ANGEL1: variants seen among roughly 807,000 people sequenced by gnomAD.
ANGEL1 encodes the protein RNA 2',3'-cyclic phosphatase ANGEL1.
In ANGEL1, 62 loss-of-function variants were observed where a neutral mutation model predicts 76.4. That is an observed-to-expected ratio of 0.81 (90% CI 0.66 to 1.00). The LOEUF (loss-of-function observed/expected upper bound fraction) is 1.00. Ranked by LOEUF, ANGEL1 falls within the 50% of genes least tolerant of loss-of-function variation. The probability of loss-of-function intolerance (pLI) is 0.00; values close to 1 mark genes in which losing one functional copy is unlikely to be tolerated. For synonymous variants in ANGEL1, 340 were observed against 331.7 expected (o/e 1.03, Z -0.27); for missense variants, 737 against 836.7 (o/e 0.88, Z 1.47).
intron 4 of ANGEL1, 120 bp downstream of exon 4, chr14:76,807,313 G>T: frequency 1.1e-6 from 1 of 944,358 alleles, no homozygotes; most frequent in Non-Finnish European, 1.6e-6. Context: ...CATGGAAGGA[G>T]CTAGCTCACA....
intron 7 of ANGEL1, among the ~76,000 whole-genome samples, chr14:76,799,609 A>G (rs1409944803): frequency 6.6e-6 from 1 of 152,072 alleles, no homozygotes; most frequent in African/African-American, 2.4e-5. Flanking sequence ...TGGCCCTTTT[A>G]AAATAAAGAT....
At chr14:76,804,735 C>T (rs931678564) in intron 5 of ANGEL1, among the ~76,000 whole-genome samples, 2 of 152,326 alleles carry the variant, frequency 1.3e-5, no homozygotes, top group Non-Finnish European at 2.9e-5. Flanking sequence ...ATAGGCCAGG[C>T]GCAGTGGCTC....
rs376587908 is a variant in ANGEL1, at chr14:76,789,102, C to T, written c.*126G>A. On this transcript the variant is annotated 3_prime_UTR_variant, in exon 10 of 10. Transcript: ENST00000251089. ...AAGTCTAACCGTGGGAAAAAGGGAACGAGGAGGGGGAAGGGAGGGGATGTA... is the reference window on the plus strand; with the variant it reads ...AAGTCTAACCGTGGGAAAAAGGGAATGAGGAGGGGGAAGGGAGGGGATGTA... 43 of 1,281,752 alleles carry T rather than the reference C, an allele frequency of 3.4e-5. No homozygotes were observed. Among genetic ancestry groups the T allele is most frequent in the Middle Eastern group, 1.9e-4 (1 of 5,170 alleles). The allele number at this position is 1,281,752 out of a possible 1,614,324, so 79.4% of individuals were successfully genotyped here.
At chr14:76,791,977 A>C (rs187961204) in intron 7 of ANGEL1, among the ~76,000 whole-genome samples, 32 of 152,334 alleles carry the variant, frequency 2.1e-4, no homozygotes, top group African/African-American at 7.5e-4. Context: ...CAACATTAAC[A>C]GGATAATAAG....
intron 6 of ANGEL1, 133 bp downstream of exon 6, chr14:76,803,653 G>T: frequency 7.1e-7 from 1 of 1,411,834 alleles, no homozygotes; most frequent in Non-Finnish European, 9.6e-7. Flanking sequence ...ACAGCCATTG[G>T]GAGGATAGTG....
chr14:76,803,836 C>G lies in ANGEL1; in HGVS notation c.1457G>C (p.Gly486Ala), dbSNP rs1378112882. 6.2e-7 allele frequency: 1 copy of G among 1,614,012 alleles called. No homozygotes were observed. The highest frequency in any genetic ancestry group is 1.3e-5 in the African/African-American group (1 of 74,916). Residue 486 changes from glycine (G) to alanine (A), a missense_variant, in exon 6 of 10, where the codon GGC becomes GCC. Gly to Ala is a moderately conservative substitution (Grantham distance 60). Coordinates refer to ENST00000251089, the MANE Select transcript of ANGEL1 (RefSeq NM_015305.4). The stretch of plus-strand genomic sequence containing the variant: ...GACATACTGACAGCAATCAGTGATG[C>G]CCAGGGAGCTGGGCCACAGTGGGGC... ...LQAPLWPSSLGITDCCQYVTS... is the reference protein window; with the variant it reads ...LQAPLWPSSLAITDCCQYVTS...
intron 6 of ANGEL1, 102 bp from the exon 7 acceptor site, chr14:76,803,583 G>T: frequency 7.4e-7 from 1 of 1,354,350 alleles, no homozygotes; most frequent in Non-Finnish European, 1.0e-6. Flanking sequence ...CACAGAGGAA[G>T]CATTCAGAAG....
At chr14:76,801,550 A>G (rs1894764239) in intron 7 of ANGEL1, among the ~76,000 whole-genome samples, 1 of 151,306 alleles carries the variant, frequency 6.6e-6, no homozygotes, top group African/African-American at 2.4e-5. Context: ...TTCTTTGGGA[A>G]CTCCAATTAT....
chr14:76,809,962 C>T, intron 1 of ANGEL1: 1 of 414,822 alleles, frequency 2.4e-6, no homozygotes, highest in East Asian at 5.4e-5. Context: ...ACTCCTTTTA[C>T]ATGACTTAGT....
intron 7 of ANGEL1, among the ~76,000 whole-genome samples, chr14:76,797,118 G>A (rs1230114804): frequency 1.3e-5 from 2 of 152,120 alleles, no homozygotes; most frequent in African/African-American, 2.4e-5. Flanking sequence ...GCCTCTTCCT[G>A]GGCCCATTCA....
rs1178285846 is a variant in ANGEL1, at chr14:76,789,353, G to A, written c.1888C>T (p.Leu630=). 6.2e-7 allele frequency: 1 copy of A among 1,614,228 alleles called. No individual in the cohort carries two copies. Among genetic ancestry groups the A allele is most frequent in the Non-Finnish European group, 8.5e-7 (1 of 1,180,034 alleles). The change falls in exon 10 of 10, where the codon CTG becomes TTG. Residue 630 remains leucine, a synonymous_variant. Coordinates refer to ENST00000251089, the MANE Select transcript of ANGEL1 (RefSeq NM_015305.4). ...RLYRDGTLKL[L]GRLSLLSEEI... ...TCAGAGAGAAGGGAGAGACGACCCA[G>A]GAGCTTGAGAGTTCCATCTCGATAC...
chr14:76,790,503 T>C, intron 9 of ANGEL1, 108 bp downstream of exon 9: 2 of 1,502,084 alleles, frequency 1.3e-6, no homozygotes, highest in East Asian at 2.3e-5. Context: ...ATCTGCTCCT[T>C]TGCTGGTTAA....
intron 7 of ANGEL1, among the ~76,000 whole-genome samples, chr14:76,796,794 C>T (rs1894593072): frequency 6.6e-6 from 1 of 152,136 alleles, no homozygotes; most frequent in South Asian, 2.1e-4. Flanking sequence ...AGCCTTCTAC[C>T]TTTAGTTATT....
rs1432460128 is a variant in ANGEL1, at chr14:76,800,336, C to T, written c.1618+3035G>A. Among the ~76,000 whole-genome samples the T allele has an allele frequency of 3.9e-5, 6 of 152,226 alleles. 1 individual carries two copies. The East Asian group carries it at 5.8e-4, about 15-fold the overall frequency. On this transcript the variant is annotated intron_variant, in intron 7 of 9. Transcript: ENST00000251089. ...AATTTACTTAACCCAATTCCTGCTA[C>T]CTGCTGGTTCACTCAATACAGGGTG...
At position 76,803,396 on chromosome 14, in the gene ANGEL1, C is replaced by T. The variant is rs1894821850; in HGVS notation, c.1593G>A (p.Met531Ile). Residue 531 changes from methionine (M) to isoleucine (I), a missense_variant, in exon 7 of 10, where the codon ATG becomes ATA. Physicochemically the swap from Met to Ile is conservative, Grantham distance 10. This residue lies in a region of ANGEL1 where 296 missense variants were observed against 387.2 expected (regional missense o/e 0.76). Transcript: ENST00000251089. ...ACQRPVGLVL[M>I]EGVTDTKPER... Reference sequence around the variant, plus strand: ...CTGGCTTAGTATCTGTCACTCCTTCCATAAGGACCAGTCCTACTGGTCGCT... The same window carrying T: ...CTGGCTTAGTATCTGTCACTCCTTCTATAAGGACCAGTCCTACTGGTCGCT... 6.2e-7 allele frequency: 1 copy of T among 1,614,060 alleles called. No homozygotes were observed. The highest frequency in any genetic ancestry group is 1.1e-5 in the South Asian group (1 of 91,088).
At chr14:76,797,794 TCTTA>T (rs1194130259) in intron 7 of ANGEL1, among the ~76,000 whole-genome samples, 1 of 152,250 alleles carries the variant, frequency 6.6e-6, no homozygotes, top group Non-Finnish European at 1.5e-5. Context: ...CATGGTTTGC[TCTTA>T]CTTGTTAAAA....
chr14:76,801,644 T>C (rs1285179596), intron 7 of ANGEL1, among the ~76,000 whole-genome samples: 1 of 152,206 alleles, frequency 6.6e-6, no homozygotes, highest in Non-Finnish European at 1.5e-5. Flanking sequence ...CTGTTTTTTT[T>C]ATTTGTTTTG....
At chr14:76,798,206 C>T (rs1894643423) in intron 7 of ANGEL1, among the ~76,000 whole-genome samples, 1 of 151,004 alleles carries the variant, frequency 6.6e-6, no homozygotes, top group Non-Finnish European at 1.5e-5. Context: ...CTCACTGTAA[C>T]TTCAAACTTC....
Position 76,806,730 on chromosome 14 carries a change from A to G in ANGEL1, c.1066T>C (p.Leu356=), listed in dbSNP as rs748653655. Reference sequence around the variant, plus strand: ...ACATTATCCCGATTAAGTAGCTCCAAGCCAGGCCGGAAGTACTCCACAGGG... The same window carrying G: ...ACATTATCCCGATTAAGTAGCTCCAGGCCAGGCCGGAAGTACTCCACAGGG... ...ASPVEYFRPG[L]ELLNRDNVGL... is the part of the protein sequence containing the mutation. Residue 356 remains leucine, a synonymous_variant, in exon 5 of 10, where the codon TTG becomes CTG. Transcript: ENST00000251089. 1.9e-5 allele frequency: 30 copies of G among 1,613,970 alleles called. No homozygotes were observed. The Admixed American group carries it at 4.8e-4, about 26-fold the overall frequency.
Sources: gnomAD v4.1 joint callset for allele counts (sites outside exome capture counted in the v4.1 genomes callset) on GRCh38, gnomAD v4.1.1 for gene constraint, gnomAD v4.1.1 regional missense constraint, MANE v1.5 for transcripts, NCBI Gene and HGNC (gene_info 2026-07-23, HGNC 2026-07-21) for gene names.